MEI1: variants seen among roughly 807,000 people sequenced by gnomAD.
MEI1 encodes meiotic double-stranded break formation protein 1, also known as meiosis inhibitor protein 1.
Under a neutral mutation model 146.2 loss-of-function variants are expected in MEI1, and 103 were observed. That is an observed-to-expected ratio of 0.70 (90% confidence interval 0.60 to 0.83). The LOEUF is 0.83. Among genes scored for constraint, MEI1 ranks in the 40% least tolerant of loss-of-function variants. MEI1 has a pLI of 0.00. For missense variants in MEI1, 1,529 were observed against 1,533.0 expected, an observed-to-expected ratio of 1.00 and a Z score of 0.04; for synonymous variants, 652 against 628.2, an observed-to-expected ratio of 1.04 and a Z score of -0.57.
chr22:41,774,137 G>C (rs1331315975), intron 20 of MEI1: 1 of 152,170 alleles, frequency 6.6e-6, no homozygotes, highest in Non-Finnish European at 1.5e-5. Flanking sequence ...AACTCTGTTT[G>C]TTTCCTCTTT....
At chr22:41,758,875 G>T (rs1364760118) in intron 18 of MEI1, among the ~76,000 whole-genome samples, 1 of 152,214 alleles carries the variant, frequency 6.6e-6, no homozygotes, top group African/African-American at 2.4e-5. Flanking sequence ...GGGCATGGTG[G>T]CTCACGCCTG....
chr22:41,743,068 C>A lies in MEI1; in HGVS notation c.1332-12C>A. 6.3e-7 allele frequency: 1 copy of A among 1,598,924 alleles called. No homozygotes were observed. The highest frequency in any genetic ancestry group is 1.1e-5 in the South Asian group (1 of 90,536). On this transcript the variant is annotated splice_polypyrimidine_tract_variant and intron_variant, in intron 11 of 30. Transcript: ENST00000401548. The stretch of plus-strand genomic sequence containing the variant: ...CCTTACCGTGAACCTGCTTTTGTCT[C>A]TCTGGATGCAGGAAGGACCATCAGA...
At chr22:41,728,764 G>A (rs528857613) in intron 7 of MEI1, among the ~76,000 whole-genome samples, 38 of 152,126 alleles carry the variant, frequency 2.5e-4, no homozygotes, top group Non-Finnish European at 4.0e-4. Flanking sequence ...GAGGGGCTGA[G>A]GCAGGAGGAT....
At chr22:41,742,384 C>T (rs888297757) in intron 11 of MEI1, among the ~76,000 whole-genome samples, 1 of 152,184 alleles carries the variant, frequency 6.6e-6, no homozygotes, top group Non-Finnish European at 1.5e-5. Context: ...TCTTGATGCA[C>T]GTTCAATTCT....
chr22:41,776,678 G>A (rs536845643), intron 21 of MEI1, among the ~76,000 whole-genome samples: 18 of 152,248 alleles, frequency 1.2e-4, no homozygotes, highest in Admixed American at 4.6e-4. Flanking sequence ...AGTGAGATCC[G>A]GGGGATTAGT....
intron 26 of MEI1, among the ~76,000 whole-genome samples, chr22:41,786,545 A>G (rs1425578524): frequency 6.6e-6 from 1 of 152,222 alleles, no homozygotes; most frequent in Non-Finnish European, 1.5e-5. Flanking sequence ...GACCAGCAGT[A>G]GCTCCTAGCT....
intron 4 of MEI1, among the ~76,000 whole-genome samples, chr22:41,714,836 G>A (rs543641745): frequency 4.0e-5 from 6 of 151,554 alleles, no homozygotes; most frequent in African/African-American, 1.5e-4. Flanking sequence ...AGCTGAGATC[G>A]CACCACTGCA....
intron 6 of MEI1, among the ~76,000 whole-genome samples, chr22:41,720,407 C>T (rs777556281): frequency 2.6e-5 from 4 of 152,006 alleles, no homozygotes; most frequent in Non-Finnish European, 5.9e-5. Flanking sequence ...ACTGGGAATT[C>T]CCACTTTTAT....
At chr22:41,750,170 G>GA (rs2073653257) in intron 15 of MEI1, among the ~76,000 whole-genome samples, 1 of 152,202 alleles carries the variant, frequency 6.6e-6, no homozygotes, top group African/African-American at 2.4e-5. Context: ...GGGATCAGGT[G>GA]AGATTCTTCA....
chr22:41,721,756 C>T (rs1414659431), intron 6 of MEI1, among the ~76,000 whole-genome samples: 4 of 124,622 alleles, frequency 3.2e-5, no homozygotes, highest in Non-Finnish European at 4.8e-5. Flanking sequence ...GAGTCTCGCT[C>T]TTTCACCATG....
rs2076333738 is a variant in MEI1, at chr22:41,795,666, G to A, written c.3667-69G>A. ...TGGGAGGAGGGAAGTACAGAGGATG[G>A]AGGCAGTTAGGGCCTGTGTGGAATG... On this transcript the variant is annotated intron_variant, in intron 29 of 30. Coordinates refer to ENST00000401548, the MANE Select transcript of MEI1 (RefSeq NM_152513.4). This position sits in a 1 kb window ranked among gnomAD's most constrained non-coding sequence, Gnocchi z 4.2. 1 of 1,588,844 alleles carries A rather than the reference G, an allele frequency of 6.3e-7. No individual in the cohort carries two copies. Among genetic ancestry groups the A allele is most frequent in the African/African-American group, 1.3e-5 (1 of 74,450 alleles).
At chr22:41,712,750 T>G (rs1198820543) in intron 3 of MEI1, among the ~76,000 whole-genome samples, 1 of 151,148 alleles carries the variant, frequency 6.6e-6, no homozygotes, top group East Asian at 1.9e-4. Flanking sequence ...TATATTGGGC[T>G]TTTCCCTTAG....
chr22:41,798,876 CAA>C (rs36107725), intron 30 of MEI1, among the ~76,000 whole-genome samples: 14 of 76,472 alleles, frequency 1.8e-4, no homozygotes, highest in Non-Finnish European at 1.3e-4. Flanking sequence ...GACTATGTCT[CAA>C]AAAAAAAAAA....
At chr22:41,745,669 T>C (rs1237086028) in intron 13 of MEI1, among the ~76,000 whole-genome samples, 2 of 151,954 alleles carry the variant, frequency 1.3e-5, no homozygotes, top group South Asian at 2.1e-4. Flanking sequence ...GAAGTACACA[T>C]AGTTGGGGGA....
chr22:41,711,842 T>C (rs2069595268), intron 3 of MEI1, among the ~76,000 whole-genome samples: 1 of 151,908 alleles, frequency 6.6e-6, no homozygotes, highest in Admixed American at 6.6e-5. Context: ...CTATAGGAAC[T>C]TGCCTATAAT....
At chr22:41,749,490 G>T (rs369978145) in intron 15 of MEI1, among the ~76,000 whole-genome samples, 5 of 152,196 alleles carry the variant, frequency 3.3e-5, no homozygotes, top group African/African-American at 7.2e-5. Context: ...GGCCAGGCTG[G>T]TCTCAAACTC....
chr22:41,783,615 AAGTC>A (rs1291281292), intron 24 of MEI1, among the ~76,000 whole-genome samples: 3 of 152,120 alleles, frequency 2.0e-5, no homozygotes, highest in Non-Finnish European at 4.4e-5. Flanking sequence ...TAGATGAAGA[AAGTC>A]AGGCATGCTG....
At chr22:41,766,315 G>A (rs982080478) in intron 19 of MEI1, among the ~76,000 whole-genome samples, 1 of 151,922 alleles carries the variant, frequency 6.6e-6, no homozygotes, top group Non-Finnish European at 1.5e-5. Flanking sequence ...GGGATTACAG[G>A]TGCGTGCCAC....
At chr22:41,796,726 C>T (rs551235701) in intron 30 of MEI1, among the ~76,000 whole-genome samples, 3 of 152,250 alleles carry the variant, frequency 2.0e-5, no homozygotes, top group East Asian at 1.9e-4. Context: ...CGGTGGCTCA[C>T]GCCTGAGGCC....
Sources: gnomAD v4.1 joint callset for allele counts (sites outside exome capture counted in the v4.1 genomes callset) on GRCh38, gnomAD v4.1.1 for gene constraint, Gnocchi (gnomAD v3.1) non-coding constraint, MANE v1.5 for transcripts, NCBI Gene and HGNC (gene_info 2026-07-23, HGNC 2026-07-21) for gene names.